The following ZNF385D variants were observed in gnomAD, a reference collection of about 807,000 sequenced individuals.
ZNF385D encodes the protein zinc finger protein 385D.
ZNF385D carries 15 observed loss-of-function variants against 35.8 expected under a neutral mutation model. That is an observed-to-expected ratio of 0.42 (90% CI 0.28 to 0.64). ZNF385D has a LOEUF of 0.64. ZNF385D is among the 30% of genes least tolerant of loss of function. The pLI is 0.23. For missense variants in ZNF385D, 474 were observed against 494.6 expected, an observed-to-expected ratio of 0.96 and a Z score of 0.39; for synonymous variants, 212 against 186.8, an observed-to-expected ratio of 1.13 and a Z score of -1.10.
At chr3:22,040,266 TG>T (rs1698582937) in intron 3 of ZNF385D, among the ~76,000 whole-genome samples, 1 of 152,214 alleles carries the variant, frequency 6.6e-6, no homozygotes, top group Admixed American at 6.5e-5. Flanking sequence ...TGTTGTCTGC[TG>T]TAATTCTAAT....
chr3:21,949,553 TC>T (rs754235525), intron 3 of ZNF385D, among the ~76,000 whole-genome samples: 27,265 of 95,756 alleles, frequency 0.28, 2,554 homozygotes, highest in Admixed American at 0.4. Flanking sequence ...TTTCTTTCTT[TC>T]TTTTTTTTTT....
rs2125325410 is a variant in ZNF385D at position 21,465,630 on chromosome 3, G to T, written c.440-28427C>A. On this transcript the variant is annotated intron_variant, in intron 4 of 7. Coordinates refer to ENST00000281523, the MANE Select transcript of ZNF385D (RefSeq NM_024697.3). This position sits in a 1 kb window ranked among gnomAD's most constrained non-coding sequence, Gnocchi z 4.2. ...GTTATGCATATTTCCTGGCACTCTT[G>T]TCTCACATCTGTGTAAGTCTCCGTG... Among the ~76,000 whole-genome samples the T allele has an allele frequency of 6.6e-6, 1 of 152,258 alleles. No homozygotes were observed. The highest frequency in any genetic ancestry group is 1.5e-5 in the Non-Finnish European group (1 of 68,020).
chr3:21,464,478 T>C (rs2125322282), intron 4 of ZNF385D, among the ~76,000 whole-genome samples: 1 of 152,306 alleles, frequency 6.6e-6, no homozygotes, highest in East Asian at 1.9e-4. Flanking sequence ...TTCATACACA[T>C]ACATATACAC....
At position 21,904,302 on chromosome 3, in the gene ZNF385D, CA is replaced by C. The variant is rs548922115; in HGVS notation, c.326-239275del. 7.1e-3 allele frequency among the ~76,000 whole-genome samples: 563 copies of C among 79,236 alleles called. 3 individuals are homozygous for C. Among genetic ancestry groups the C allele is most frequent in the African/African-American group, 0.018 (401 of 21,806 alleles). 52.0% of individuals were successfully genotyped at this position (79,236 alleles called of 152,430 possible). ...CTGGTGACAGAGTGAGACTCCATCT[CA>C]AAAAAAAAAAAAAAAAAAAAGAATT... is the stretch of plus-strand genomic sequence containing the variant. On this transcript the variant is annotated intron_variant, in intron 3 of 5. Coordinates refer to the ZNF385D transcript ENST00000494108.
rs1169337108 is a variant in ZNF385D at position 21,417,260 on chromosome 3, T to G, written c.*3954A>C. 3 of 152,106 alleles carry G rather than the reference T, an allele frequency of 2.0e-5. No homozygotes were observed. The highest frequency in any genetic ancestry group is 7.2e-5 in the African/African-American group (3 of 41,438). The allele number at this position is 152,106 out of a possible 1,614,324, so 9.4% of individuals were successfully genotyped here. ...TGATGTATTAAACCAGCTTAGCTAT[T>G]AATCACTGTCATCCATTTTACTGAT... On this transcript the variant is annotated 3_prime_UTR_variant, in exon 8 of 8. Transcript: ENST00000281523.
intron 3 of ZNF385D, among the ~76,000 whole-genome samples, chr3:21,863,886 A>G (rs1333167055): frequency 1.3e-5 from 2 of 152,142 alleles, no homozygotes; most frequent in Non-Finnish European, 2.9e-5. Flanking sequence ...TGAGTTTTTC[A>G]AACATTAATG....
intron 1 of ZNF385D, among the ~76,000 whole-genome samples, chr3:21,687,383 G>T (rs1337424653): frequency 6.6e-6 from 1 of 152,160 alleles, no homozygotes; most frequent in Admixed American, 6.5e-5. Flanking sequence ...AAACGAATAT[G>T]TATAACTCAT....
intron 3 of ZNF385D, among the ~76,000 whole-genome samples, chr3:21,824,078 T>G (rs1203494953): frequency 6.6e-6 from 1 of 152,170 alleles, no homozygotes; most frequent in Non-Finnish European, 1.5e-5. Flanking sequence ...CCCAAACACA[T>G]TATGGCCATC....
chr3:21,882,833 G>C (rs1029891201), intron 3 of ZNF385D, among the ~76,000 whole-genome samples: 2 of 151,940 alleles, frequency 1.3e-5, no homozygotes, highest in African/African-American at 4.8e-5. Flanking sequence ...GAAGAGCATA[G>C]CTACTTGAGC....
At chr3:22,011,046 C>G (rs1313417426) in intron 3 of ZNF385D, among the ~76,000 whole-genome samples, 1 of 152,072 alleles carries the variant, frequency 6.6e-6, no homozygotes, top group Non-Finnish European at 1.5e-5. Context: ...TCATTAAAGA[C>G]ATGATACATG....
intron 4 of ZNF385D, among the ~76,000 whole-genome samples, chr3:21,493,637 CT>C (rs11443396): frequency 2.3e-4 from 33 of 145,950 alleles, no homozygotes; most frequent in African/African-American, 2.3e-4. Context: ...TGGATTTTTT[CT>C]TTTTTTTTTT....
At chr3:21,851,864 A>G (rs921853013) in intron 3 of ZNF385D, among the ~76,000 whole-genome samples, 1 of 151,950 alleles carries the variant, frequency 6.6e-6, no homozygotes, top group Admixed American at 6.6e-5. Context: ...AGCATAAGAA[A>G]TTCACACCTA....
intron 3 of ZNF385D, among the ~76,000 whole-genome samples, chr3:21,841,473 C>G (rs1429543139): frequency 1.3e-5 from 2 of 151,892 alleles, no homozygotes; most frequent in Non-Finnish European, 2.9e-5. Context: ...ATTTATCTTC[C>G]CACGGAGCAT....
At chr3:21,841,762 C>A (rs1695692034) in intron 3 of ZNF385D, among the ~76,000 whole-genome samples, 1 of 151,800 alleles carries the variant, frequency 6.6e-6, no homozygotes, top group Admixed American at 6.6e-5. Flanking sequence ...TTTAGGAAGA[C>A]CTTGACTTTA....
intron 2 of ZNF385D, among the ~76,000 whole-genome samples, chr3:22,193,018 G>A (rs979010782): frequency 5.9e-5 from 9 of 151,962 alleles, no homozygotes; most frequent in African/African-American, 9.7e-5. Flanking sequence ...ATGACTCCAC[G>A]GTTCCTAGTT....
At chr3:21,678,952 T>C (rs2066813517) in intron 1 of ZNF385D, among the ~76,000 whole-genome samples, 1 of 152,084 alleles carries the variant, frequency 6.6e-6, no homozygotes, top group East Asian at 1.9e-4. Flanking sequence ...AAATTTATGT[T>C]GTTCTTCAGC....
intron 2 of ZNF385D, among the ~76,000 whole-genome samples, chr3:22,205,991 C>G (rs1359551585): frequency 1.3e-5 from 2 of 151,730 alleles, no homozygotes; most frequent in African/African-American, 4.8e-5. Flanking sequence ...AGACCCAACT[C>G]AAATCTTGCC....
chr3:21,868,774 ATGTT>A (rs1254382954), intron 3 of ZNF385D, among the ~76,000 whole-genome samples: 2 of 152,122 alleles, frequency 1.3e-5, no homozygotes, highest in African/African-American at 4.8e-5. Context: ...AGAAGATAAT[ATGTT>A]TGTACCTGAA....
At chr3:21,782,291 G>A (rs1270993308) in intron 3 of ZNF385D, among the ~76,000 whole-genome samples, 1 of 152,086 alleles carries the variant, frequency 6.6e-6, no homozygotes. Context: ...TTGTCTTCAT[G>A]AGGTATCAAC....
Sources: allele counts gnomAD v4.1 joint callset (sites outside exome capture counted in the v4.1 genomes callset), GRCh38; gene constraint gnomAD v4.1.1; non-coding constraint Gnocchi (gnomAD v3.1); transcripts MANE v1.5; gene names NCBI Gene and HGNC (gene_info 2026-07-23, HGNC 2026-07-21).